TMEM132D: variants seen among roughly 807,000 people sequenced by gnomAD.
TMEM132D encodes the protein mature OL transmembrane protein.
TMEM132D carries 21 observed loss-of-function variants against 62.3 expected under a neutral mutation model. The ratio of observed to expected loss-of-function variants is 0.34; its 90% CI spans 0.24 to 0.49. The LOEUF is 0.49. TMEM132D is among the 20% of genes least tolerant of loss of function. TMEM132D has a pLI of 0.99. For synonymous variants in TMEM132D, 621 were observed against 575.6 expected, an observed-to-expected ratio of 1.08 and a Z score of -1.13; for missense variants, 1,346 against 1,402.8, an observed-to-expected ratio of 0.96 and a Z score of 0.65.
At chr12:129,662,812 A>AAGAGAGAG (rs11465137) in intron 2 of TMEM132D, among the ~76,000 whole-genome samples, 3,130 of 83,218 alleles carry the variant, frequency 0.038, 73 homozygotes, top group African/African-American at 0.058. Flanking sequence ...AAAAAAAAAA[A>AAGAGAGAG]AGAGAGAGAG....
At chr12:129,078,398 C>A (rs1327781141) in intron 8 of TMEM132D, 136 bp downstream of exon 8, 2 of 825,068 alleles carry the variant, frequency 2.4e-6, no homozygotes, top group Non-Finnish European at 3.8e-6. Context: ...CAGAAGAGCC[C>A]TTTGCAGATG....
intron 2 of TMEM132D, among the ~76,000 whole-genome samples, chr12:129,636,737 TGA>T (rs1555223034): frequency 1.8e-4 from 20 of 113,634 alleles, no homozygotes; most frequent in East Asian, 1.5e-3. Context: ...TGTGTGTGTG[TGA>T]GAGAGAGAGA....
At chr12:129,530,958 A>G in intron 3 of TMEM132D, 101 bp downstream of exon 3, 2 of 1,303,722 alleles carry the variant, frequency 1.5e-6, no homozygotes, top group African/African-American at 1.5e-5. Context: ...ACCAAATGCA[A>G]ACCACAGTGG....
In TMEM132D at chr12:129,473,649, G is replaced by T. The variant is rs532509421; in HGVS notation, c.1115+57410C>A. 2.6e-5 allele frequency among the ~76,000 whole-genome samples: 4 copies of T among 152,216 alleles called. No homozygotes were observed. In the South Asian group the frequency reaches 8.3e-4, roughly 32 times the overall value. ...CCTGGCCTGGTTTTAGTTATTTTTA[G>T]CTAAAGTATGTAATTGCTTTTCAGA... On this transcript the variant is annotated intron_variant, in intron 3 of 8. Coordinates refer to ENST00000422113, the MANE Select transcript of TMEM132D (RefSeq NM_133448.3).
At chr12:129,246,901 A>T (rs1880135636) in intron 4 of TMEM132D, among the ~76,000 whole-genome samples, 1 of 152,218 alleles carries the variant, frequency 6.6e-6, no homozygotes, top group South Asian at 2.1e-4. Context: ...GCAATATGCT[A>T]GTTGAGTTCA....
chr12:129,275,634 G>A (rs180863585), intron 4 of TMEM132D, among the ~76,000 whole-genome samples: 7 of 152,338 alleles, frequency 4.6e-5, no homozygotes, highest in East Asian at 1.9e-4. Context: ...GGAATAAGGA[G>A]ATCAAGGTCA....
chr12:129,751,227 G>T (rs1869990703), intron 1 of TMEM132D, among the ~76,000 whole-genome samples: 1 of 151,966 alleles, frequency 6.6e-6, no homozygotes, highest in Non-Finnish European at 1.5e-5. Flanking sequence ...GGGAGCCTCA[G>T]GAAACTTACA....
intron 2 of TMEM132D, among the ~76,000 whole-genome samples, chr12:129,645,662 T>C (rs933407600): frequency 6.6e-6 from 1 of 152,198 alleles, no homozygotes; most frequent in African/African-American, 2.4e-5. Context: ...AGTGTTGAGA[T>C]AGGGGTTTAG....
intron 2 of TMEM132D, among the ~76,000 whole-genome samples, chr12:129,679,141 T>G (rs264506): frequency 0.97 from 147,428 of 151,862 alleles, 71,694 homozygotes; most frequent in Non-Finnish European, 1. Context: ...AGTTTTTTTT[T>G]TTGTTGTTGT....
Position 129,419,795 on chromosome 12 carries a change from G to A in TMEM132D, c.1116-81978C>T, listed in dbSNP as rs141272518. Among the ~76,000 whole-genome samples the A allele has an allele frequency of 3.6e-4, 55 of 152,008 alleles. 1 individual carries two copies. The highest frequency in any genetic ancestry group is 1.3e-3 in the African/African-American group (53 of 41,464). On this transcript the variant is annotated intron_variant, in intron 3 of 8. Transcript: ENST00000422113. ...GTTGTCTGCTATATGAATATAAAAT[G>A]CCAAGTCTATGGCCTTTTGTTTTAG...
At chr12:129,125,304 C>T (rs1876180851) in intron 5 of TMEM132D, among the ~76,000 whole-genome samples, 1 of 152,124 alleles carries the variant, frequency 6.6e-6, no homozygotes, top group African/African-American at 2.4e-5. Flanking sequence ...TCTGGATTCC[C>T]TCCACCCTTT....
intron 2 of TMEM132D, among the ~76,000 whole-genome samples, chr12:129,681,092 A>G (rs961218094): frequency 3.3e-5 from 5 of 152,220 alleles, no homozygotes; most frequent in Admixed American, 2.0e-4. Context: ...AGGTGTACTC[A>G]GTGAAAAGCA....
At chr12:129,174,286 T>C (rs1228998658) in intron 5 of TMEM132D, among the ~76,000 whole-genome samples, 1 of 152,190 alleles carries the variant, frequency 6.6e-6, no homozygotes, top group Non-Finnish European at 1.5e-5. Flanking sequence ...TGTCCATGCG[T>C]TCTCATTGTT....
At chr12:129,816,671 C>T (rs1053979358) in intron 1 of TMEM132D, among the ~76,000 whole-genome samples, 1 of 152,124 alleles carries the variant, frequency 6.6e-6, no homozygotes, top group African/African-American at 2.4e-5. Flanking sequence ...TTTGTAATCA[C>T]AAGTCTTCCC....
At chr12:129,548,086 C>A (rs534047701) in intron 2 of TMEM132D, among the ~76,000 whole-genome samples, 39 of 152,202 alleles carry the variant, frequency 2.6e-4, no homozygotes, top group Non-Finnish European at 5.3e-4. Context: ...GAATTTACAC[C>A]TGGCTTCAAT....
At chr12:129,306,157 C>T (rs952264623) in intron 4 of TMEM132D, among the ~76,000 whole-genome samples, 1 of 152,158 alleles carries the variant, frequency 6.6e-6, no homozygotes, top group Non-Finnish European at 1.5e-5. Flanking sequence ...ACACTATAAA[C>T]AAGGCCCGGG....
At chr12:129,437,888 C>A (rs1215002244) in intron 3 of TMEM132D, among the ~76,000 whole-genome samples, 1 of 135,488 alleles carries the variant, frequency 7.4e-6, no homozygotes, top group East Asian at 2.2e-4. Context: ...ATCCCTCCCC[C>A]AGCCCCCCTC....
chr12:129,091,690 A>C (rs1410471764), intron 5 of TMEM132D, among the ~76,000 whole-genome samples: 2 of 152,086 alleles, frequency 1.3e-5, no homozygotes, highest in African/African-American at 2.4e-5. Flanking sequence ...GACTCTGGAG[A>C]TCTTACCTAA....
chr12:129,252,238 A>G (rs1174553873), intron 4 of TMEM132D, among the ~76,000 whole-genome samples: 1 of 152,190 alleles, frequency 6.6e-6, no homozygotes, highest in African/African-American at 2.4e-5. Flanking sequence ...TAAACATACC[A>G]TCTCAGCCCA....
Sources: allele counts gnomAD v4.1 joint callset (sites outside exome capture counted in the v4.1 genomes callset), GRCh38; gene constraint gnomAD v4.1.1; transcripts MANE v1.5; gene names NCBI Gene and HGNC (gene_info 2026-07-23, HGNC 2026-07-21).